The following ACTN4 variants were observed in gnomAD, a reference collection of about 807,000 sequenced individuals.
The protein encoded by ACTN4 is actinin alpha 4.
In ACTN4, 18 loss-of-function variants were observed where a neutral mutation model predicts 114.2. The observed-to-expected ratio is 0.16, with a 90% CI of 0.11 to 0.23. The LOEUF (loss-of-function observed/expected upper bound fraction) is 0.23. ACTN4 is among the 10% of genes least tolerant of loss of function. The pLI, the probability that ACTN4 is intolerant of heterozygous loss-of-function variation, is 1.00. For synonymous variants in ACTN4, 515 were observed against 506.3 expected (o/e 1.02, Z -0.23); for missense variants, 722 against 1,262.9 (o/e 0.57, Z 6.49).
chr19:38,684,532 G>A (rs897956371), intron 1 of ACTN4, among the ~76,000 whole-genome samples: 1 of 152,200 alleles, frequency 6.6e-6, no homozygotes, highest in African/African-American at 2.4e-5. Context: ...GTCCTTTGAC[G>A]TCATACCCAC....
rs1322290645 is a variant in ACTN4 at position 38,682,825 on chromosome 19, T to TC, written c.163-17770dup. On this transcript the variant is annotated intron_variant, in intron 1 of 20. Transcript: ENST00000252699. ...CCTAGCACCTTCCCTGGGAATGATC[T>TC]CCCCCTGGTTGGCTCTTTCTACTTA... Among the ~76,000 whole-genome samples, 3 of 152,230 alleles carry TC rather than the reference T, an allele frequency of 2.0e-5. No homozygotes were observed. In the East Asian group the frequency reaches 5.8e-4, roughly 29 times the overall value.
chr19:38,678,701 T>G (rs917244576), intron 1 of ACTN4, among the ~76,000 whole-genome samples: 3 of 152,188 alleles, frequency 2.0e-5, no homozygotes, highest in Non-Finnish European at 4.4e-5. Context: ...GGGCTTGGGC[T>G]TTGTCTCCTG....
Position 38,667,684 on chromosome 19 carries a change from C to G in ACTN4, c.162+19777C>G, listed in dbSNP as rs1967004656. On this transcript the variant is annotated intron_variant, in intron 1 of 20. Transcript: ENST00000252699. The stretch of plus-strand genomic sequence containing the variant: ...GTGGAAACTGAGACGCTGGACTAGT[C>G]TGATGTATCTGTTTCTTCCACCAAA... 2.0e-5 allele frequency among the ~76,000 whole-genome samples: 3 copies of G among 147,062 alleles called. No individual in the cohort carries two copies. In the South Asian group the frequency reaches 6.4e-4, roughly 32 times the overall value.
At chr19:38,710,792 A>T (rs987451110) in intron 8 of ACTN4, 1 of 308,184 alleles carries the variant, frequency 3.2e-6, no homozygotes, top group Admixed American at 4.5e-5. Context: ...TTCCAGGCAG[A>T]GGGTGAAGCA....
chr19:38,700,567 C>A, intron 1 of ACTN4, 33 bp from the exon 2 acceptor site: 3 of 1,576,720 alleles, frequency 1.9e-6, no homozygotes, highest in Non-Finnish European at 2.6e-6. Context: ...GCCAGGCTGA[C>A]TCTGCGCACT....
At chr19:38,678,803 G>A (rs765105676) in intron 1 of ACTN4, among the ~76,000 whole-genome samples, 4 of 152,172 alleles carry the variant, frequency 2.6e-5, no homozygotes, top group East Asian at 1.9e-4. Flanking sequence ...CTGGGACCTC[G>A]CTCTGTTCGG....
intron 1 of ACTN4, among the ~76,000 whole-genome samples, chr19:38,667,581 T>C (rs1421293307): frequency 4.6e-5 from 7 of 152,182 alleles, no homozygotes; most frequent in Non-Finnish European, 1.0e-4. Flanking sequence ...TAATTGGCTG[T>C]TACAGTATGG....
chr19:38,664,285 T>TG (rs1469608990), intron 1 of ACTN4, among the ~76,000 whole-genome samples: 1 of 148,106 alleles, frequency 6.8e-6, no homozygotes, highest in Non-Finnish European at 1.5e-5. Context: ...CAGTGTTGTG[T>TG]TTTTTTTTTT....
At chr19:38,664,286 T>G (rs904106711) in intron 1 of ACTN4, among the ~76,000 whole-genome samples, 3 of 150,922 alleles carry the variant, frequency 2.0e-5, no homozygotes, top group Non-Finnish European at 4.4e-5. Flanking sequence ...AGTGTTGTGT[T>G]TTTTTTTTTA....
At chr19:38,725,383 C>G (rs1400307228) in intron 16 of ACTN4, among the ~76,000 whole-genome samples, 4 of 152,250 alleles carry the variant, frequency 2.6e-5, no homozygotes, top group African/African-American at 4.8e-5. Flanking sequence ...TCTAACAGCA[C>G]TGAGCTGTCC....
In ACTN4 at chr19:38,695,302, C is replaced by T. The variant is rs144485294; in HGVS notation, c.163-5298C>T. On this transcript the variant is annotated intron_variant, in intron 1 of 20. Transcript: ENST00000252699. Reference sequence around the variant, plus strand: ...GGTCCTGAGGGCATGGCCACTGCCACGTTCTGGACAGTCAGAGTCGCTGCT... The same window carrying T: ...GGTCCTGAGGGCATGGCCACTGCCATGTTCTGGACAGTCAGAGTCGCTGCT... 5.1e-3 allele frequency among the ~76,000 whole-genome samples: 771 copies of T among 152,350 alleles called. 8 individuals carry two copies. Among genetic ancestry groups the T allele is most frequent in the African/African-American group, 0.018 (732 of 41,582 alleles).
Position 38,717,427 on chromosome 19 carries a change from G to A in ACTN4, c.1143+111G>A. ...TTTCCTAAGTTGTTGATGTCCTGTGGGACATGGCATGGCCTTTCGGATGCA... is the reference window on the plus strand; with the variant it reads ...TTTCCTAAGTTGTTGATGTCCTGTGAGACATGGCATGGCCTTTCGGATGCA... On this transcript the variant is annotated intron_variant, in intron 10 of 20. Transcript: ENST00000252699. The surrounding 1 kb of genome is among the most constrained non-coding windows in gnomAD (Gnocchi z 4.0). 2 of 1,419,912 alleles carry A rather than the reference G, an allele frequency of 1.4e-6. No individual in the cohort carries two copies. The highest frequency in any genetic ancestry group is 1.2e-5 in the South Asian group (1 of 81,388). The allele number at this position is 1,419,912 out of a possible 1,614,324, so 88.0% of individuals were successfully genotyped here. A position where few individuals can be genotyped will look rare whatever the true frequency, so the allele number is the denominator to read the frequency against.
At chr19:38,654,534 C>G (rs1976657417) in intron 1 of ACTN4, among the ~76,000 whole-genome samples, 1 of 149,140 alleles carries the variant, frequency 6.7e-6, no homozygotes, top group Admixed American at 6.8e-5. Flanking sequence ...TGCACTCCAG[C>G]CTGGACGACA....
Position 38,730,890 on chromosome 19 carries a change from A to C in ACTN4, c.*1458A>C. On this transcript the variant is annotated 3_prime_UTR_variant, in exon 21 of 21. Coordinates refer to ENST00000252699, the MANE Select transcript of ACTN4 (RefSeq NM_004924.6). ...GCCACCTCCATCCACTAAGGAAGAG[A>C]AGGAAGACAGTGGCTTGAGGCAGGG... 6.4e-7 allele frequency: 1 copy of C among 1,551,518 alleles called. No individual in the cohort carries two copies. Among genetic ancestry groups the C allele is most frequent in the Non-Finnish European group, 8.7e-7 (1 of 1,147,376 alleles).
intron 1 of ACTN4, among the ~76,000 whole-genome samples, chr19:38,681,468 G>C (rs555890205): frequency 6.6e-6 from 1 of 152,134 alleles, no homozygotes; most frequent in Non-Finnish European, 1.5e-5. Flanking sequence ...TTCTGGCCCC[G>C]GCTGACACCA....
chr19:38,702,951 G>C (rs1298608729), intron 3 of ACTN4, among the ~76,000 whole-genome samples: 1 of 152,138 alleles, frequency 6.6e-6, no homozygotes, highest in Admixed American at 6.5e-5. Flanking sequence ...GTTAGCTTTG[G>C]AACTCACCCC....
chr19:38,661,722 G>A (rs1413313764), intron 1 of ACTN4, among the ~76,000 whole-genome samples: 2 of 152,070 alleles, frequency 1.3e-5, no homozygotes, highest in African/African-American at 4.8e-5. Context: ...GCACAATCTC[G>A]GCTCACTGCA....
chr19:38,699,754 C>CAAAA (rs528707102), intron 1 of ACTN4, among the ~76,000 whole-genome samples: 1 of 122,788 alleles, frequency 8.1e-6, no homozygotes, highest in East Asian at 2.2e-4. Context: ...GACTCCTTCT[C>CAAAA]AAAAAAAAAA....
At chr19:38,666,168 C>T (rs967632998) in intron 1 of ACTN4, among the ~76,000 whole-genome samples, 3 of 151,974 alleles carry the variant, frequency 2.0e-5, no homozygotes, top group African/African-American at 7.3e-5. Context: ...CTTCCTCCCG[C>T]GCCCCCCCCT....
Sources: gnomAD v4.1 joint callset for allele counts (sites outside exome capture counted in the v4.1 genomes callset) on GRCh38, gnomAD v4.1.1 for gene constraint, Gnocchi (gnomAD v3.1) non-coding constraint, MANE v1.5 for transcripts, NCBI Gene and HGNC (gene_info 2026-07-23, HGNC 2026-07-21) for gene names.